Variants in PRKG2 observed in about 807,000 individuals in gnomAD.
The protein encoded by PRKG2 is protein kinase cGMP-dependent 2.
In PRKG2, 33 loss-of-function variants were observed where a neutral mutation model predicts 97.2. That is an observed-to-expected ratio of 0.34 (90% CI 0.26 to 0.45). The LOEUF (loss-of-function observed/expected upper bound fraction) is 0.45. Among genes scored for constraint, PRKG2 ranks in the 20% least tolerant of loss-of-function variants. The pLI, the probability that PRKG2 is intolerant of heterozygous loss-of-function variation, is 1.00. For missense variants in PRKG2, 638 were observed against 900.0 expected, an observed-to-expected ratio of 0.71 and a Z score of 3.73; for synonymous variants, 330 against 321.8, an observed-to-expected ratio of 1.03 and a Z score of -0.27.
intron 17 of PRKG2, among the ~76,000 whole-genome samples, chr4:81,100,118 C>T (rs1236695931): frequency 2.0e-5 from 3 of 151,342 alleles, no homozygotes; most frequent in African/African-American, 4.9e-5. Context: ...GAATCAATAT[C>T]GTGAAAATGG....
intron 1 of PRKG2, among the ~76,000 whole-genome samples, chr4:81,209,397 T>C (rs1753851207): frequency 6.6e-6 from 1 of 152,052 alleles, no homozygotes; most frequent in African/African-American, 2.4e-5. Context: ...CATATATAGA[T>C]GTGTGTGTAT....
intron 2 of PRKG2, among the ~76,000 whole-genome samples, chr4:81,195,449 G>A (rs1752902094): frequency 6.6e-6 from 1 of 152,042 alleles, no homozygotes; most frequent in Non-Finnish European, 1.5e-5. Flanking sequence ...CAGTTTAGTA[G>A]CAATAAGTAT....
At chr4:81,131,592 A>T (rs1020906178) in intron 14 of PRKG2, among the ~76,000 whole-genome samples, 8 of 152,240 alleles carry the variant, frequency 5.3e-5, no homozygotes, top group Admixed American at 2.0e-4. Context: ...CCCACCTCAA[A>T]TTGTGAAAAT....
intron 14 of PRKG2, among the ~76,000 whole-genome samples, chr4:81,129,180 CTT>C (rs1028918270): frequency 5.3e-5 from 8 of 151,992 alleles, no homozygotes; most frequent in African/African-American, 1.4e-4. Context: ...GTCTGAGAGA[CTT>C]AGGATTTCCG....
chr4:81,118,647 G>C (rs545885926), intron 14 of PRKG2, among the ~76,000 whole-genome samples: 8 of 152,124 alleles, frequency 5.3e-5, no homozygotes, highest in African/African-American at 1.9e-4. Flanking sequence ...CAAGTTGTTT[G>C]TTTTCTTATG....
At chr4:81,098,213 A>G (rs1742320311) in intron 17 of PRKG2, among the ~76,000 whole-genome samples, 1 of 152,092 alleles carries the variant, frequency 6.6e-6, no homozygotes, top group Non-Finnish European at 1.5e-5. Flanking sequence ...CCTGTACTGG[A>G]TGCTTCTTGC....
chr4:81,211,157 A>G (rs561549726), intron 1 of PRKG2, among the ~76,000 whole-genome samples: 1 of 152,290 alleles, frequency 6.6e-6, no homozygotes, highest in Admixed American at 6.5e-5. Flanking sequence ...CATGGAATAT[A>G]CAAAAGGAAT....
At chr4:81,182,377 A>C (rs1209865615) in intron 2 of PRKG2, among the ~76,000 whole-genome samples, 1 of 152,004 alleles carries the variant, frequency 6.6e-6, no homozygotes, top group African/African-American at 2.4e-5. Flanking sequence ...ACTTTTGGCA[A>C]ATTAAGTATA....
intron 17 of PRKG2, 137 bp downstream of exon 17, chr4:81,104,233 A>AT (rs1387147710): frequency 2.4e-6 from 1 of 417,204 alleles, no homozygotes; most frequent in African/African-American, 2.1e-5. Context: ...TAAAACACAG[A>AT]TAAAAAGCAA....
At chr4:81,193,670 T>A (rs1386747539) in intron 2 of PRKG2, among the ~76,000 whole-genome samples, 1 of 151,842 alleles carries the variant, frequency 6.6e-6, no homozygotes, top group Non-Finnish European at 1.5e-5. Context: ...TGCAACCCCA[T>A]CTCTACTAAA....
At chr4:81,117,656 A>ATTT (rs1166418779) in intron 14 of PRKG2, among the ~76,000 whole-genome samples, 5 of 152,198 alleles carry the variant, frequency 3.3e-5, no homozygotes, top group African/African-American at 4.8e-5. Flanking sequence ...TAATCTGGTA[A>ATTT]AGTGGCGATT....
At chr4:81,120,529 A>C (rs987455523) in intron 14 of PRKG2, among the ~76,000 whole-genome samples, 6 of 152,140 alleles carry the variant, frequency 3.9e-5, no homozygotes, top group African/African-American at 1.4e-4. Context: ...TGTTATATTT[A>C]AACCTATTTC....
At chr4:81,143,130 T>A (rs72878851) in intron 10 of PRKG2, among the ~76,000 whole-genome samples, 183 bp from the exon 11 acceptor site, 1,798 of 152,194 alleles carry the variant, frequency 0.012, 28 homozygotes, top group Middle Eastern at 0.041. Flanking sequence ...AACAATAGAA[T>A]ATACAAACAT....
At chr4:81,117,174 G>A (rs931252884) in intron 14 of PRKG2, among the ~76,000 whole-genome samples, 3 of 151,384 alleles carry the variant, frequency 2.0e-5, no homozygotes, top group African/African-American at 7.3e-5. Context: ...TATATTTTTT[G>A]TAGAGACGGG....
At chr4:81,111,670 T>C (rs973062329) in intron 14 of PRKG2, among the ~76,000 whole-genome samples, 1 of 152,044 alleles carries the variant, frequency 6.6e-6, no homozygotes, top group Non-Finnish European at 1.5e-5. Flanking sequence ...TCCTCTTCTC[T>C]GAGGCCCTAT....
At chr4:81,153,523 T>C (rs1473414357) in intron 7 of PRKG2, 121 bp downstream of exon 7, 2 of 712,444 alleles carry the variant, frequency 2.8e-6, no homozygotes. Flanking sequence ...ACTCTACTGG[T>C]AGAAGCTCCT....
At chr4:81,103,284 T>A (rs1742990918) in intron 17 of PRKG2, among the ~76,000 whole-genome samples, 2 of 152,150 alleles carry the variant, frequency 1.3e-5, no homozygotes, top group Admixed American at 6.6e-5. Flanking sequence ...ACATTAGGCA[T>A]ATCTCCTAAT....
In PRKG2 at chr4:81,167,013, T is replaced by C. The variant is rs887885924; in HGVS notation, c.912+148A>G. On this transcript the variant is annotated intron_variant, in intron 6 of 18. Coordinates refer to ENST00000264399, the MANE Select transcript of PRKG2 (RefSeq NM_006259.3). ...TCTCCACCCCTTAACACAGCATGAGTTGGCTTAAGATTTTTCACCATAGAA... is the reference window on the plus strand; with the variant it reads ...TCTCCACCCCTTAACACAGCATGAGCTGGCTTAAGATTTTTCACCATAGAA... 4.5e-5 allele frequency: 25 copies of C among 556,762 alleles called. No homozygotes were observed. In the South Asian group the frequency reaches 7.2e-4, roughly 16 times the overall value. The allele number at this position is 556,762 out of a possible 1,614,324, so 34.5% of individuals were successfully genotyped here. A position where few individuals can be genotyped will look rare whatever the true frequency, so the allele number is the denominator to read the frequency against.
At chr4:81,093,689 T>C (rs1187006937) in intron 17 of PRKG2, among the ~76,000 whole-genome samples, 1 of 152,136 alleles carries the variant, frequency 6.6e-6, no homozygotes, top group Non-Finnish European at 1.5e-5. Flanking sequence ...TGTGAAAATA[T>C]GGGATTAAGA....
Sources: allele counts gnomAD v4.1 joint callset (sites outside exome capture counted in the v4.1 genomes callset), GRCh38; gene constraint gnomAD v4.1.1; transcripts MANE v1.5; gene names NCBI Gene and HGNC (gene_info 2026-07-23, HGNC 2026-07-21).